ZNF160: variants seen among roughly 807,000 people sequenced by gnomAD.
ZNF160 encodes the protein zinc finger protein 160.
A neutral mutation model predicts 13.1 loss-of-function variants in ZNF160; 9 were observed. The ratio of observed to expected loss-of-function variants is 0.69; its 90% CI spans 0.41 to 1.20. The LOEUF is 1.20. Among genes scored for constraint, ZNF160 ranks in the 50% most tolerant of loss-of-function variants. ZNF160 has a pLI of 0.01. For synonymous variants in ZNF160, 293 were observed against 333.2 expected (o/e 0.88, Z 1.31); for missense variants, 838 against 988.0 (o/e 0.85, Z 2.04).
intron 3 of ZNF160, among the ~76,000 whole-genome samples, chr19:53,081,617 A>G (rs1383711375): frequency 6.7e-6 from 1 of 149,392 alleles, no homozygotes; most frequent in Non-Finnish European, 1.5e-5. Flanking sequence ...AAAAACAACA[A>G]ATATTGACAA....
At chr19:53,101,807 A>G (rs533466626) in intron 1 of ZNF160, among the ~76,000 whole-genome samples, 1 of 152,336 alleles carries the variant, frequency 6.6e-6, no homozygotes, top group Admixed American at 6.5e-5. Flanking sequence ...CTCTTATGCC[A>G]TAATTGTAAA....
Position 53,067,246 on chromosome 19 carries a change from T to C in ZNF160, c.*831A>G, listed in dbSNP as rs763301881. The stretch of plus-strand genomic sequence containing the variant: ...TCCTCCCACAAAAATCCCAATGTCC[T>C]AAGGTCTTGGCCTGCTCCATTTCAT... On this transcript the variant is annotated 3_prime_UTR_variant, in exon 6 of 6. Transcript: ENST00000683776. 14 of 152,218 alleles carry C rather than the reference T, an allele frequency of 9.2e-5. No individual in the cohort carries two copies. Among genetic ancestry groups the C allele is most frequent in the Non-Finnish European group, 1.8e-4 (12 of 68,044 alleles). The allele number at this position is 152,218 out of a possible 1,614,324, so 9.4% of individuals were successfully genotyped here.
intron 3 of ZNF160, among the ~76,000 whole-genome samples, chr19:53,079,011 A>G (rs1381051854): frequency 1.3e-5 from 2 of 152,198 alleles, no homozygotes; most frequent in African/African-American, 2.4e-5. Flanking sequence ...AAAGTGTAAG[A>G]TATTATTCGT....
chr19:53,082,667 C>T (rs2084677994), intron 3 of ZNF160, among the ~76,000 whole-genome samples: 1 of 152,150 alleles, frequency 6.6e-6, no homozygotes, highest in African/African-American at 2.4e-5. Flanking sequence ...AAGAGCCTCT[C>T]AAAACAATAA....
chr19:53,098,148 C>A (rs1159551698), intron 1 of ZNF160, among the ~76,000 whole-genome samples: 1 of 152,204 alleles, frequency 6.6e-6, no homozygotes, highest in Non-Finnish European at 1.5e-5. Flanking sequence ...ACAACCACCC[C>A]AAAACCCACT....
rs144332579 is a variant in ZNF160 at position 53,071,017 on chromosome 19, G to A, written c.272-755C>T. Among the ~76,000 whole-genome samples the A allele has an allele frequency of 1.9e-3, 283 of 151,902 alleles. 1 individual carries two copies. Among genetic ancestry groups the A allele is most frequent in the Non-Finnish European group, 3.3e-3 (226 of 67,954 alleles). The stretch of plus-strand genomic sequence containing the variant: ...TTGAGTCCAGCTTGGCCAACATGGT[G>A]AAACCCCATCTCTACTAAAAATACA... On this transcript the variant is annotated intron_variant, in intron 5 of 5. Coordinates refer to ENST00000683776, the MANE Select transcript of ZNF160 (RefSeq NM_001322131.2).
At chr19:53,101,693 C>A (rs545950619) in intron 1 of ZNF160, among the ~76,000 whole-genome samples, 2 of 152,226 alleles carry the variant, frequency 1.3e-5, no homozygotes, top group African/African-American at 4.8e-5. Context: ...CTCTTCACTG[C>A]CCCCACCCTA....
rs768098682 is a variant in ZNF160 at position 53,069,523 on chromosome 19, T to G, written c.1011A>C (p.Gly337=). ...ACTCATTACACTTGTAAGGTTTCTC[T>G]CCAGTATGAATTCGCCGATGAGTTG... ...YLATHRRIHT[G]EKPYKCNECG... is the part of the protein sequence containing the mutation. Residue 337 remains glycine, a synonymous_variant, in exon 6 of 6, where the codon GGA becomes GGC. Transcript: ENST00000683776. This position sits in a 1 kb window ranked among gnomAD's most constrained non-coding sequence, Gnocchi z 4.4. 6.2e-7 allele frequency: 1 copy of G among 1,614,132 alleles called. No individual in the cohort carries two copies. The highest frequency in any genetic ancestry group is 1.1e-5 in the South Asian group (1 of 91,070).
intron 1 of ZNF160, among the ~76,000 whole-genome samples, chr19:53,097,419 CA>C (rs1389893261): frequency 2.0e-5 from 3 of 151,236 alleles, no homozygotes; most frequent in Admixed American, 6.6e-5. Flanking sequence ...GACACGCTTA[CA>C]AACTCCCACA....
intron 1 of ZNF160, among the ~76,000 whole-genome samples, chr19:53,093,820 C>T (rs1487037810): frequency 6.6e-6 from 1 of 152,142 alleles, no homozygotes; most frequent in Non-Finnish European, 1.5e-5. Context: ...GGCACTCAGC[C>T]TTCACTGTGG....
At chr19:53,075,258 A>G (rs2084343706) in intron 3 of ZNF160, 75 bp from the exon 4 acceptor site, 1 of 1,566,566 alleles carries the variant, frequency 6.4e-7, no homozygotes, top group South Asian at 1.2e-5. Context: ...GAAGAGGAGA[A>G]AAATGTGAGA....
rs754812555 is a variant in ZNF160 at position 53,075,063 on chromosome 19, A to T, written c.136T>A (p.Ser46Thr). The change falls in exon 4 of 6, where the codon TCT (serine) becomes ACT (threonine). Residue 46 changes from serine (S) to threonine (T), a missense_variant. By Grantham distance (58) the Ser-to-Thr change is moderately conservative. Coordinates refer to ENST00000683776, the MANE Select transcript of ZNF160 (RefSeq NM_001322131.2). ...GGAAGAAAGTCATCCTCACCCAGAG[A>T]AACAAGGTTCCAGTAGTTCTCCAAC... ...VMLENYWNLV[S>T]LGLCHFDMNI... is the part of the protein sequence containing the mutation. 6.2e-7 allele frequency: 1 copy of T among 1,614,140 alleles called. No individual in the cohort carries two copies. Among genetic ancestry groups the T allele is most frequent in the South Asian group, 1.1e-5 (1 of 91,084 alleles).
chr19:53,097,427 C>T (rs2085279407), intron 1 of ZNF160, among the ~76,000 whole-genome samples: 1 of 151,362 alleles, frequency 6.6e-6, no homozygotes, highest in Non-Finnish European at 1.5e-5. Context: ...TACAAACTCC[C>T]ACACTCCCCA....
At chr19:53,070,313 T>A (rs2084121349) in intron 5 of ZNF160, 51 bp from the exon 6 acceptor site, 1 of 1,440,148 alleles carries the variant, frequency 6.9e-7, no homozygotes, top group African/African-American at 1.4e-5. Flanking sequence ...AGTATAGAAA[T>A]AAATATTTTA....
intron 2 of ZNF160, among the ~76,000 whole-genome samples, chr19:53,090,246 C>G (rs2046648157): frequency 6.6e-6 from 1 of 152,058 alleles, no homozygotes; most frequent in Non-Finnish European, 1.5e-5. Context: ...GTCTGAGGAG[C>G]CTCCCCCTTT....
At chr19:53,091,951 G>A (rs1234104070) in intron 1 of ZNF160, among the ~76,000 whole-genome samples, 1 of 152,164 alleles carries the variant, frequency 6.6e-6, no homozygotes, top group Non-Finnish European at 1.5e-5. Flanking sequence ...TTTTTAAAAA[G>A]CAGTAACTTT....
intron 5 of ZNF160, among the ~76,000 whole-genome samples, chr19:53,071,560 G>C (rs916172696): frequency 9.7e-5 from 12 of 124,180 alleles, no homozygotes; most frequent in Non-Finnish European, 1.9e-4. Context: ...AAAAAAAAAA[G>C]GCTGAGGCAT....
rs2084003562 is a variant in ZNF160 at position 53,067,447 on chromosome 19, CA to C, written c.*629del. 1 of 152,206 alleles carries C rather than the reference CA, an allele frequency of 6.6e-6. No homozygotes were observed. Among genetic ancestry groups the C allele is most frequent in the South Asian group, 2.1e-4 (1 of 4,830 alleles). The allele number at this position is 152,206 out of a possible 1,614,324, so 9.4% of individuals were successfully genotyped here. ...TTAAAAGCAAAGTCCTCCTTCTTCA[CA>C]AATTGGATAGAAATAATCCTTCACC... is the stretch of plus-strand genomic sequence containing the variant. On this transcript the variant is annotated 3_prime_UTR_variant, in exon 6 of 6. Transcript: ENST00000683776.
rs1313256818 is a variant in ZNF160, at chr19:53,070,107, A to G, written c.427T>C (p.Cys143Arg). 3 of 1,613,952 alleles carry G rather than the reference A, an allele frequency of 1.9e-6. No individual in the cohort carries two copies. Among genetic ancestry groups the G allele is most frequent in the Non-Finnish European group, 2.5e-6 (3 of 1,180,032 alleles). ...TTTCCTGTGTCATCTCTCCATTGAC[A>G]CTCAAAATCATGCACATTTTTCTGG... ...EPQKNVHDFECQWRDDTGNYK... is the reference protein window; with the variant it reads ...EPQKNVHDFERQWRDDTGNYK... The change falls in exon 6 of 6, where the codon TGT becomes CGT. Residue 143 changes from cysteine (C) to arginine (R), a missense_variant. This residue lies in a region of ZNF160 where 387 missense variants were observed against 402.3 expected (regional missense o/e 0.96). Coordinates refer to ENST00000683776, the MANE Select transcript of ZNF160 (RefSeq NM_001322131.2).
Sources: allele counts gnomAD v4.1 joint callset (sites outside exome capture counted in the v4.1 genomes callset), GRCh38; gene constraint gnomAD v4.1.1; regional missense constraint gnomAD v4.1.1; non-coding constraint Gnocchi (gnomAD v3.1); transcripts MANE v1.5; gene names NCBI Gene and HGNC (gene_info 2026-07-23, HGNC 2026-07-21).